Variants in EXOC6B observed in about 807,000 individuals in gnomAD.
EXOC6B encodes SEC15 homolog B.
EXOC6B carries 54 observed loss-of-function variants against 113.5 expected under a neutral mutation model. That is an observed-to-expected ratio of 0.48 (90% CI 0.38 to 0.60). The LOEUF (loss-of-function observed/expected upper bound fraction) is 0.60, where lower values mean the gene tolerates loss of function less well. Among genes scored for constraint, EXOC6B ranks in the 20% least tolerant of loss-of-function variants. The pLI, the probability that EXOC6B is intolerant of heterozygous loss-of-function variation, is 0.00. For missense variants in EXOC6B, 797 were observed against 977.5 expected (o/e 0.82, Z 2.46); for synonymous variants, 357 against 339.0 (o/e 1.05, Z -0.58).
chr2:72,811,047 A>G (rs1473641065), intron 1 of EXOC6B, among the ~76,000 whole-genome samples: 1 of 151,926 alleles, frequency 6.6e-6, no homozygotes, highest in African/African-American at 2.4e-5. Context: ...AAAACAACAC[A>G]ATAGACCAGG....
intron 1 of EXOC6B, among the ~76,000 whole-genome samples, chr2:72,781,782 C>T (rs1684052630): frequency 6.6e-6 from 1 of 151,958 alleles, no homozygotes; most frequent in African/African-American, 2.4e-5. Flanking sequence ...AATCACATGG[C>T]CACAACTAAC....
In EXOC6B at chr2:72,176,511, T is replaced by A. The variant is rs1371025714; in HGVS notation, c.*2824A>T. 6.6e-6 allele frequency: 1 copy of A among 152,178 alleles called. No homozygotes were observed. Among genetic ancestry groups the A allele is most frequent in the African/African-American group, 2.4e-5 (1 of 41,410 alleles). 9.4% of individuals were successfully genotyped at this position (152,178 alleles called of 1,614,324 possible). ...AGGCTAGACTGACTTGGAGGACTGGTATGCAATGAGAACAGTGGGCAATGC... is the reference window on the plus strand; with the variant it reads ...AGGCTAGACTGACTTGGAGGACTGGAATGCAATGAGAACAGTGGGCAATGC... On this transcript the variant is annotated 3_prime_UTR_variant, in exon 22 of 22. Coordinates refer to ENST00000272427, the MANE Select transcript of EXOC6B (RefSeq NM_015189.3).
intron 20 of EXOC6B, among the ~76,000 whole-genome samples, chr2:72,192,378 C>T (rs1333356013): frequency 6.6e-6 from 1 of 152,138 alleles, no homozygotes; most frequent in Non-Finnish European, 1.5e-5. Context: ...TCTTGCCCAG[C>T]ACTAGAAGAA....
chr2:72,682,413 T>G (rs1015849561), intron 6 of EXOC6B, among the ~76,000 whole-genome samples: 1 of 152,160 alleles, frequency 6.6e-6, no homozygotes, highest in Non-Finnish European at 1.5e-5. Flanking sequence ...CTAAGACATA[T>G]TTTATCAGTT....
Position 72,826,011 on chromosome 2 carries a change from C to A in EXOC6B, c.-101G>T. ...ACCACAGGCTCCACAGCCGCCCCAG[C>A]CTCTGGCTACCCGCAGGCCGACCCC... On this transcript the variant is annotated 5_prime_UTR_variant, in exon 1 of 22. Coordinates refer to ENST00000272427, the MANE Select transcript of EXOC6B (RefSeq NM_015189.3). 1 of 1,499,636 alleles carries A rather than the reference C, an allele frequency of 6.7e-7. No homozygotes were observed. Among genetic ancestry groups the A allele is most frequent in the Non-Finnish European group, 8.9e-7 (1 of 1,121,642 alleles). The allele number at this position is 1,499,636 out of a possible 1,614,324, so 92.9% of individuals were successfully genotyped here.
At chr2:72,561,903 T>A (rs986183177) in intron 7 of EXOC6B, among the ~76,000 whole-genome samples, 2 of 151,924 alleles carry the variant, frequency 1.3e-5, no homozygotes, top group African/African-American at 4.8e-5. Context: ...TCCAGTTAAG[T>A]CTTCCTAAGC....
intron 19 of EXOC6B, among the ~76,000 whole-genome samples, chr2:72,340,252 T>C (rs1481402755): frequency 6.6e-6 from 1 of 152,178 alleles, no homozygotes; most frequent in Non-Finnish European, 1.5e-5. Flanking sequence ...TGAATTAGTC[T>C]ATAATCTATC....
At chr2:72,324,189 ACTT>A (rs1364033975) in intron 20 of EXOC6B, among the ~76,000 whole-genome samples, 2 of 152,196 alleles carry the variant, frequency 1.3e-5, no homozygotes, top group African/African-American at 4.8e-5. Flanking sequence ...CATAAACAGT[ACTT>A]CTTAATAGAG....
rs72845184 is a variant in EXOC6B, at chr2:72,517,932, C to T, written c.916-2806G>A. ...TCCTCAATAGGATAAAAACAAAAGA[C>T]AAGACCAATTTATCTAATAGGTCTG... On this transcript the variant is annotated intron_variant, in intron 8 of 21. Coordinates refer to ENST00000272427, the MANE Select transcript of EXOC6B (RefSeq NM_015189.3). Among the ~76,000 whole-genome samples the T allele has an allele frequency of 8.2e-3, 1,255 of 152,252 alleles. 8 individuals are homozygous for T. The highest frequency in any genetic ancestry group is 0.024 in the Middle Eastern group (7 of 294).
At position 72,770,777 on chromosome 2, in the gene EXOC6B, T is replaced by G. The variant is rs1683366881; in HGVS notation, c.114-29308A>C. Among the ~76,000 whole-genome samples the G allele has an allele frequency of 2.0e-5, 3 of 152,168 alleles. No individual in the cohort carries two copies. The South Asian group carries it at 6.2e-4, about 32-fold the overall frequency. ...AGAAGAGTACACAAGTTAAGTTTCATTGTTGCCCTTGGGTGAGAAATCAGT... is the reference window on the plus strand; with the variant it reads ...AGAAGAGTACACAAGTTAAGTTTCAGTGTTGCCCTTGGGTGAGAAATCAGT... On this transcript the variant is annotated intron_variant, in intron 1 of 21. Coordinates refer to ENST00000272427, the MANE Select transcript of EXOC6B (RefSeq NM_015189.3).
chr2:72,604,877 T>A (rs1393112824), intron 6 of EXOC6B, among the ~76,000 whole-genome samples: 3 of 152,222 alleles, frequency 2.0e-5, no homozygotes, highest in East Asian at 1.9e-4. Context: ...ACATTTAAAG[T>A]AGTAATAGCC....
intron 18 of EXOC6B, among the ~76,000 whole-genome samples, chr2:72,459,320 C>T (rs948739372): frequency 6.6e-6 from 1 of 152,182 alleles, no homozygotes; most frequent in South Asian, 2.1e-4. Context: ...TCTCTCACCA[C>T]TCCTGTTCAA....
chr2:72,527,366 C>A (rs1175872649), intron 8 of EXOC6B, among the ~76,000 whole-genome samples: 1 of 151,858 alleles, frequency 6.6e-6, no homozygotes, highest in African/African-American at 2.4e-5. Flanking sequence ...CAGTTTGTTA[C>A]ATATATCAAT....
At chr2:72,533,908 G>A (rs541278261) in intron 8 of EXOC6B, among the ~76,000 whole-genome samples, 14 of 152,184 alleles carry the variant, frequency 9.2e-5, no homozygotes, top group African/African-American at 3.1e-4. Context: ...AGGAGGTTTC[G>A]AATATGACTC....
At chr2:72,817,352 G>C (rs1686307179) in intron 1 of EXOC6B, among the ~76,000 whole-genome samples, 1 of 152,174 alleles carries the variant, frequency 6.6e-6, no homozygotes, top group South Asian at 2.1e-4. Context: ...TTTCTGATAT[G>C]TAGAGGCTTT....
intron 18 of EXOC6B, among the ~76,000 whole-genome samples, chr2:72,413,151 C>T (rs1328966899): frequency 4.6e-5 from 7 of 151,614 alleles, no homozygotes; most frequent in Admixed American, 3.3e-4. Flanking sequence ...TTAGTAGAGA[C>T]GGGGTTTCAC....
intron 18 of EXOC6B, among the ~76,000 whole-genome samples, chr2:72,388,053 C>T (rs896345420): frequency 2.0e-5 from 3 of 152,082 alleles, no homozygotes; most frequent in Non-Finnish European, 4.4e-5. Flanking sequence ...GTTGTCACAA[C>T]TGGCAGGAGG....
chr2:72,704,350 C>T (rs1335775879), intron 6 of EXOC6B, among the ~76,000 whole-genome samples: 2 of 150,878 alleles, frequency 1.3e-5, no homozygotes, highest in Non-Finnish European at 1.5e-5. Flanking sequence ...AAATTTATAG[C>T]ACTAAATGCC....
At chr2:72,562,398 C>T (rs1356208387) in intron 7 of EXOC6B, among the ~76,000 whole-genome samples, 1 of 152,112 alleles carries the variant, frequency 6.6e-6, no homozygotes, top group Middle Eastern at 3.2e-3. Context: ...AATACTAACT[C>T]TCTGTCAAAG....
Sources: allele counts gnomAD v4.1 joint callset (sites outside exome capture counted in the v4.1 genomes callset), GRCh38; gene constraint gnomAD v4.1.1; transcripts MANE v1.5; gene names NCBI Gene and HGNC (gene_info 2026-07-23, HGNC 2026-07-21).